ERCC6: variants seen among roughly 807,000 people sequenced by gnomAD.
The protein encoded by ERCC6 is DNA excision repair protein ERCC-6.
A neutral mutation model predicts 158.7 loss-of-function variants in ERCC6; 116 were observed. The ratio of observed to expected loss-of-function variants is 0.73; its 90% confidence interval spans 0.63 to 0.85. ERCC6 has a LOEUF of 0.85. ERCC6 is among the 40% of genes least tolerant of loss of function. The probability of loss-of-function intolerance (pLI) is 0.00; values close to 1 mark genes in which losing one functional copy is unlikely to be tolerated. For synonymous variants in ERCC6, 678 were observed against 659.3 expected (o/e 1.03, Z -0.43); for missense variants, 1,698 against 1,799.4 (o/e 0.94, Z 1.02).
At chr10:49,471,766 G>C (rs899815413) in intron 16 of ERCC6, among the ~76,000 whole-genome samples, 2 of 152,214 alleles carry the variant, frequency 1.3e-5, no homozygotes, top group African/African-American at 2.4e-5. Context: ...GAATGGCCCA[G>C]CATGTGGTAA....
rs1393093094 is a variant in ERCC6 at position 49,455,111 on chromosome 10, G to A, written c.*3704C>T. 6.6e-6 allele frequency among the ~76,000 whole-genome samples: 1 copy of A among 152,104 alleles called. No individual in the cohort carries two copies. The highest frequency in any genetic ancestry group is 1.5e-5 in the Non-Finnish European group (1 of 68,012). ...ATGATAAACATCACAAAATAGATATGTGAATATGCTAATTCTCCATATTTT... is the reference window on the plus strand; with the variant it reads ...ATGATAAACATCACAAAATAGATATATGAATATGCTAATTCTCCATATTTT... On this transcript the variant is annotated 3_prime_UTR_variant, in exon 21 of 21. Transcript: ENST00000355832.
intron 2 of ERCC6, among the ~76,000 whole-genome samples, chr10:49,532,183 T>C (rs1837484282): frequency 6.6e-6 from 1 of 151,946 alleles, no homozygotes; most frequent in Non-Finnish European, 1.5e-5. Flanking sequence ...CAGAGAAAAA[T>C]GTGAAGGGGG....
At chr10:49,504,300 T>A (rs900841677) in intron 6 of ERCC6, 1 of 152,104 alleles carries the variant, frequency 6.6e-6, no homozygotes, top group Admixed American at 6.6e-5. Flanking sequence ...TTTGCAGAGA[T>A]TAAAAAAACA....
rs538728187 is a variant in ERCC6 at position 49,460,229 on chromosome 10, C to T, written c.4062+144G>A. 65 of 701,288 alleles carry T rather than the reference C, an allele frequency of 9.3e-5. 1 individual carries two copies. The South Asian group carries it at 9.6e-4, about 10-fold the overall frequency. 43.4% of individuals were successfully genotyped at this position (701,288 alleles called of 1,614,324 possible). On this transcript the variant is annotated intron_variant, in intron 20 of 20. Transcript: ENST00000355832. Reference sequence around the variant, plus strand: ...CTTTTAGATTCAAGTGAATGTGCATCGTAAATCAGAGCGTGCAACACAAAT... The same window carrying T: ...CTTTTAGATTCAAGTGAATGTGCATTGTAAATCAGAGCGTGCAACACAAAT...
In ERCC6 at chr10:49,530,735, T is replaced by C. The variant is rs4253027; in HGVS notation, c.528A>G (p.Arg176=). ...DINRKLDSVK[R]QKYNKEQQLK... ...TCTGAATCACCTTATTATACTTCTG[T>C]CGTTTTACAGAATCTAGTTTCCTGT... Residue 176 remains arginine, a synonymous_variant, in exon 3 of 21, where the codon CGA becomes CGG. Coordinates refer to ENST00000355832, the MANE Select transcript of ERCC6 (RefSeq NM_000124.4). 22,054 of 1,613,584 alleles carry C rather than the reference T, an allele frequency of 0.014. 660 individuals are homozygous for C. Among genetic ancestry groups the C allele is most frequent in the Admixed American group, 0.11 (6,693 of 60,016 alleles).
downstream of ERCC6, among the ~76,000 whole-genome samples, chr10:49,453,094 T>C (rs1237372072): frequency 6.6e-6 from 1 of 152,144 alleles, no homozygotes; most frequent in Admixed American, 6.5e-5. Flanking sequence ...TTTTCTAGTA[T>C]CCATTGTGTT....
intron 18 of ERCC6, among the ~76,000 whole-genome samples, chr10:49,461,965 T>C (rs1181443070): frequency 1.3e-5 from 2 of 152,192 alleles, no homozygotes; most frequent in African/African-American, 2.4e-5. Flanking sequence ...AATGACTCAA[T>C]AACCATTTTC....
chr10:49,512,008 CTACA>C (rs760116468), intron 5 of ERCC6, among the ~76,000 whole-genome samples: 3 of 152,138 alleles, frequency 2.0e-5, no homozygotes, highest in Non-Finnish European at 4.4e-5. Flanking sequence ...ACTTTTGAAA[CTACA>C]TAAATTTCAG....
intron 4 of ERCC6, among the ~76,000 whole-genome samples, chr10:49,525,460 T>C (rs1177616331): frequency 2.0e-5 from 3 of 152,202 alleles, no homozygotes; most frequent in Non-Finnish European, 4.4e-5. Flanking sequence ...CTGTGTTAGA[T>C]ATGTGAAGTT....
chr10:49,524,403 G>A lies in ERCC6; in HGVS notation c.1027C>T (p.Gln343Ter). The change falls in exon 5 of 21, where the codon CAG (glutamine) becomes TAG (stop). Residue 343 changes from glutamine (Q) to a stop codon, truncating the protein, a stop_gained. Coordinates refer to ENST00000355832, the MANE Select transcript of ERCC6 (RefSeq NM_000124.4). LOFTEE classifies it high-confidence loss of function. ...KKLQKRALQFQGKVGLPKARR... is the reference protein window; with the variant it reads ...KKLQKRALQF ...GCCTTTGGCAATCCCACTTTCCCCT[G>A]GAACTGCAAAGCCCTCTTCTGGAGT... is the stretch of plus-strand genomic sequence containing the variant. 4 of 1,614,148 alleles carry A rather than the reference G, an allele frequency of 2.5e-6. No individual in the cohort carries two copies. Among genetic ancestry groups the A allele is most frequent in the Admixed American group, 1.7e-5 (1 of 60,010 alleles).
Position 49,472,698 on chromosome 10 carries a change from T to A in ERCC6, c.2829+211A>T, listed in dbSNP as rs965642184. On this transcript the variant is annotated intron_variant, in intron 15 of 20. Transcript: ENST00000355832. Reference sequence around the variant, plus strand: ...TTGCCTATGTTCTTTTTACCCCAACTCTAGGAATGAATGCTATGGATAAAC... The same window carrying A: ...TTGCCTATGTTCTTTTTACCCCAACACTAGGAATGAATGCTATGGATAAAC... The A allele has an allele frequency of 3.7e-5, 27 of 739,418 alleles. 1 individual carries two copies. The African/African-American group carries it at 3.9e-4, about 11-fold the overall frequency. The allele number at this position is 739,418 out of a possible 1,614,324, so 45.8% of individuals were successfully genotyped here. A position where few individuals can be genotyped will look rare whatever the true frequency, so the allele number is the denominator to read the frequency against.
rs369987164 is a variant in ERCC6, at chr10:49,490,638, C to A, written c.1821+2479G>T. Among the ~76,000 whole-genome samples the A allele has an allele frequency of 2.6e-4, 39 of 152,298 alleles. No homozygotes were observed. In the South Asian group the frequency reaches 7.1e-3, roughly 28 times the overall value. ...AAAGTGCTGGGATTACAGGCATGAG[C>A]CACCACGCCCGGACAATTTTCAAAA... On this transcript the variant is annotated intron_variant, in intron 8 of 20. Transcript: ENST00000355832.
At position 49,459,169 on chromosome 10, in the gene ERCC6, ATCT is replaced by A. The variant is rs761551318; in HGVS notation, c.4125_4127del (p.Glu1375del). 5 of 1,614,218 alleles carry A rather than the reference ATCT, an allele frequency of 3.1e-6. No individual in the cohort carries two copies. In the East Asian group the frequency reaches 8.9e-5, roughly 29 times the overall value. ...CGAGGGGCCCGGATGAAGAGTCTGC[ATCT>A]TCTGCTCTTCCACTAAAATGCTCAG... On this transcript the variant is annotated inframe_deletion, in exon 21 of 21. Coordinates refer to ENST00000355832, the MANE Select transcript of ERCC6 (RefSeq NM_000124.4).
intron 5 of ERCC6, chr10:49,515,677 T>C: frequency 6.2e-7 from 1 of 1,614,148 alleles, no homozygotes; most frequent in South Asian, 1.1e-5. Flanking sequence ...TACCATTTCT[T>C]TCCACGGATT....
intron 18 of ERCC6, among the ~76,000 whole-genome samples, chr10:49,464,065 A>C (rs991944884): frequency 1.3e-5 from 2 of 152,218 alleles, no homozygotes; most frequent in Non-Finnish European, 1.5e-5. Context: ...GAGGGCTCAG[A>C]AGACGAGAGG....
At position 49,473,538 on chromosome 10, in the gene ERCC6, A is replaced by C. The variant is rs2132541065; in HGVS notation, c.2648T>G (p.Leu883Arg). The C allele has an allele frequency of 6.2e-7, 1 of 1,613,406 alleles. No homozygotes were observed. The highest frequency in any genetic ancestry group is 8.5e-7 in the Non-Finnish European group (1 of 1,179,376). The stretch of plus-strand genomic sequence containing the variant: ...TATTGTAGTGGTACCATCCATCTTG[A>C]GATAGGTATACTTTTGGGCTCTAAG... ...VFLRAQKYTY[L>R]KMDGTTTIAS... Residue 883 changes from leucine (L) to arginine (R), a missense_variant, in exon 14 of 21, where the codon CTC (leucine) becomes CGC (arginine). By Grantham distance (102) the Leu-to-Arg change is moderately radical (BLOSUM62 -2). Coordinates refer to ENST00000355832, the MANE Select transcript of ERCC6 (RefSeq NM_000124.4).
intron 5 of ERCC6, chr10:49,515,379 T>C: frequency 6.2e-7 from 1 of 1,613,908 alleles, no homozygotes; most frequent in Non-Finnish European, 8.5e-7. Context: ...TAAGGCAACA[T>C]CACATTTTTC....
chr10:49,447,705 A>C, the ERCC6 span, among the ~76,000 whole-genome samples: 2 of 151,594 alleles, frequency 1.3e-5, no homozygotes, highest in Admixed American at 1.3e-4. Context: ...CTGTCTCAAA[A>C]AAAAAAAAAG....
intron 7 of ERCC6, among the ~76,000 whole-genome samples, chr10:49,498,816 G>T (rs1440344013): frequency 6.6e-6 from 1 of 152,096 alleles, no homozygotes; most frequent in Non-Finnish European, 1.5e-5. Flanking sequence ...CTGAGCACTG[G>T]ACTCCACATA....
Sources: allele counts gnomAD v4.1 joint callset (sites outside exome capture counted in the v4.1 genomes callset), GRCh38; gene constraint gnomAD v4.1.1; transcripts MANE v1.5; gene names NCBI Gene and HGNC (gene_info 2026-07-23, HGNC 2026-07-21).